Variants in DAP3 observed in about 807,000 individuals in gnomAD.
DAP3 encodes the protein death associated protein 3, also known as small ribosomal subunit protein mS29.
DAP3 carries 28 observed loss-of-function variants against 51.9 expected under a neutral mutation model. The ratio of observed to expected loss-of-function variants is 0.54; its 90% CI spans 0.40 to 0.74. DAP3 has a LOEUF of 0.74. DAP3 is among the 30% of genes least tolerant of loss of function. The pLI, the probability that DAP3 is intolerant of heterozygous loss-of-function variation, is 0.00. For missense variants in DAP3, 458 were observed against 483.5 expected (o/e 0.95, Z 0.49); for synonymous variants, 170 against 170.3 (o/e 1.00, Z 0.01).
At position 155,731,952 on chromosome 1, in the gene DAP3, C is replaced by T. The variant is rs148259192; in HGVS notation, c.912C>T (p.Gly304=). The change falls in exon 11 of 13, where the codon GGC becomes GGT. Residue 304 remains glycine (G), a synonymous_variant. Coordinates refer to ENST00000368336, the MANE Select transcript of DAP3 (RefSeq NM_004632.4). Reference sequence around the variant, plus strand: ...TTTCTCTTTTCTTTCAGCATGGAGGCGCCATTGTGTCGGCTTTGAGCCAGA... The same window carrying T: ...TTTCTCTTTTCTTTCAGCATGGAGGTGCCATTGTGTCGGCTTTGAGCCAGA... ...RKMMKNDWHG[G]AIVSALSQTG... is the part of the protein sequence containing the mutation. 288 of 1,609,460 alleles carry T rather than the reference C, an allele frequency of 1.8e-4. No homozygotes were observed. The highest frequency in any genetic ancestry group is 8.8e-4 in the African/African-American group (66 of 74,714).
intron 3 of DAP3, among the ~76,000 whole-genome samples, chr1:155,717,356 T>C (rs1354958200): frequency 6.6e-6 from 1 of 152,212 alleles, no homozygotes; most frequent in East Asian, 1.9e-4. Flanking sequence ...TAATCTCTAC[T>C]AGTGAATTCA....
At chr1:155,732,537 CTTCT>C (rs965504843) in intron 11 of DAP3, among the ~76,000 whole-genome samples, 12 of 152,054 alleles carry the variant, frequency 7.9e-5, no homozygotes, top group Admixed American at 3.3e-4. Context: ...GGCCTTGATG[CTTCT>C]TTGTCTCCAA....
chr1:155,712,896 C>T (rs541211627), intron 2 of DAP3, among the ~76,000 whole-genome samples: 13 of 152,246 alleles, frequency 8.5e-5, no homozygotes, highest in African/African-American at 3.1e-4. Context: ...GGTGCTTTCT[C>T]TCCGGTAGAT....
intron 1 of DAP3, among the ~76,000 whole-genome samples, chr1:155,708,837 T>TGG (rs773193988): frequency 6.6e-6 from 1 of 151,762 alleles, no homozygotes; most frequent in Non-Finnish European, 1.5e-5. Context: ...CCCAAGTAGC[T>TGG]GGGACTACAG....
chr1:155,725,566 A>G, intron 5 of DAP3, 76 bp downstream of exon 5: 1 of 1,407,044 alleles, frequency 7.1e-7, no homozygotes, highest in South Asian at 1.2e-5. Context: ...AAGAAATGAA[A>G]AAAAGTACTG....
rs367759141 is a variant in DAP3 at position 155,738,311 on chromosome 1, G to T, written c.*69G>T. 6.4e-7 allele frequency: 1 copy of T among 1,563,674 alleles called. No homozygotes were observed. ...ATGCTGGACCCAGTAAGATGAGGAAGTCGGGCAGTACACAGGAAGAGGAGC... is the reference window on the plus strand; with the variant it reads ...ATGCTGGACCCAGTAAGATGAGGAATTCGGGCAGTACACAGGAAGAGGAGC... On this transcript the variant is annotated 3_prime_UTR_variant, in exon 13 of 13. Coordinates refer to ENST00000368336, the MANE Select transcript of DAP3 (RefSeq NM_004632.4).
At chr1:155,725,629 G>A (rs576997692) in intron 5 of DAP3, 139 bp downstream of exon 5, 158 of 826,618 alleles carry the variant, frequency 1.9e-4, no homozygotes, top group Admixed American at 2.5e-5. Flanking sequence ...TTGGGAAGCC[G>A]AGGCAGGCGT....
intron 1 of DAP3, among the ~76,000 whole-genome samples, chr1:155,697,934 T>G (rs1654736513): frequency 6.6e-6 from 1 of 152,212 alleles, no homozygotes; most frequent in Non-Finnish European, 1.5e-5. Context: ...TGCATTCGTT[T>G]TCCCAGGGTT....
chr1:155,725,836 C>A, intron 5 of DAP3, 91 bp from the exon 6 acceptor site: 3 of 1,227,444 alleles, frequency 2.4e-6, no homozygotes, highest in South Asian at 1.3e-5. Flanking sequence ...TGCACTCCAA[C>A]CCCATCTCAA....
At chr1:155,716,419 A>G (rs1422717864) in intron 2 of DAP3, among the ~76,000 whole-genome samples, 1 of 151,708 alleles carries the variant, frequency 6.6e-6, no homozygotes, top group Non-Finnish European at 1.5e-5. Flanking sequence ...TAAAAATACA[A>G]AAAATTAGCC....
At chr1:155,722,599 G>A (rs976356570) in intron 4 of DAP3, among the ~76,000 whole-genome samples, 12 of 151,982 alleles carry the variant, frequency 7.9e-5, no homozygotes, top group African/African-American at 2.4e-4. Context: ...CTTCCACACT[G>A]TGGAAGCTTT....
chr1:155,720,826 C>G (rs1056885646), intron 3 of DAP3, among the ~76,000 whole-genome samples: 1 of 151,814 alleles, frequency 6.6e-6, no homozygotes, highest in South Asian at 2.1e-4. Flanking sequence ...ATCACGAGGT[C>G]AAGAGATCAA....
chr1:155,711,134 G>A (rs1420464670), intron 2 of DAP3, among the ~76,000 whole-genome samples: 7 of 151,676 alleles, frequency 4.6e-5, no homozygotes, highest in Admixed American at 6.6e-5. Context: ...AAAATGAAAC[G>A]AAAGCAAGGA....
chr1:155,714,012 A>T (rs1657031448), intron 2 of DAP3, among the ~76,000 whole-genome samples: 1 of 152,230 alleles, frequency 6.6e-6, no homozygotes, highest in Non-Finnish European at 1.5e-5. Flanking sequence ...AGGATGTGAC[A>T]TTCGAGTTGA....
At chr1:155,726,992 T>A (rs1287622486) in intron 6 of DAP3, 2 of 152,314 alleles carry the variant, frequency 1.3e-5, no homozygotes, top group African/African-American at 4.8e-5. Flanking sequence ...CCCATGGACA[T>A]AAACTTCTGC....
chr1:155,726,784 CAAAAA>C (rs530179771), intron 6 of DAP3: 5 of 91,430 alleles, frequency 5.5e-5, no homozygotes, highest in Non-Finnish European at 6.9e-5. Context: ...GACCCTGTCT[CAAAAA>C]AAAAAAAAAA....
chr1:155,728,984 T>C lies in DAP3; in HGVS notation c.604-58T>C. 1.9e-6 allele frequency: 3 copies of C among 1,574,636 alleles called. No homozygotes were observed. In the South Asian group the frequency reaches 3.4e-5, roughly 18 times the overall value. Reference sequence around the variant, plus strand: ...GCCTCCAACCTTTTCAAGGGATGGTTTCACCCTTAGGCCAAGTAGCCTTTT... The same window carrying C: ...GCCTCCAACCTTTTCAAGGGATGGTCTCACCCTTAGGCCAAGTAGCCTTTT... On this transcript the variant is annotated intron_variant, in intron 7 of 12. Transcript: ENST00000368336.
At chr1:155,700,716 G>A (rs1452929104) in intron 1 of DAP3, among the ~76,000 whole-genome samples, 4 of 145,312 alleles carry the variant, frequency 2.8e-5, no homozygotes, top group African/African-American at 7.6e-5. Flanking sequence ...CCCCCAACCC[G>A]GCCAGCCGCC....
intron 11 of DAP3, among the ~76,000 whole-genome samples, chr1:155,732,939 G>A (rs1190643040): frequency 6.6e-6 from 1 of 152,146 alleles, no homozygotes; most frequent in Non-Finnish European, 1.5e-5. Flanking sequence ...TAGGAGAATC[G>A]CTTGAACCCG....
Sources: allele counts gnomAD v4.1 joint callset (sites outside exome capture counted in the v4.1 genomes callset), GRCh38; gene constraint gnomAD v4.1.1; transcripts MANE v1.5; gene names NCBI Gene and HGNC (gene_info 2026-07-23, HGNC 2026-07-21).